The following TBC1D4 variants were observed in gnomAD, a reference collection of about 807,000 sequenced individuals.
TBC1D4 encodes the protein TBC1 domain family member 4.
TBC1D4 carries 121 observed loss-of-function variants against 142.5 expected under a neutral mutation model. The ratio of observed to expected loss-of-function variants is 0.85; its 90% CI spans 0.73 to 0.99. The LOEUF (loss-of-function observed/expected upper bound fraction) is 0.99. Ranked by LOEUF, TBC1D4 falls within the 50% of genes least tolerant of loss-of-function variation. The pLI, the probability that TBC1D4 is intolerant of heterozygous loss-of-function variation, is 0.00. For synonymous variants in TBC1D4, 630 were observed against 628.2 expected (o/e 1.00, Z -0.04); for missense variants, 1,475 against 1,606.6 (o/e 0.92, Z 1.40).
chr13:75,438,170 C>T (rs718147), intron 1 of TBC1D4, among the ~76,000 whole-genome samples: 88,782 of 152,120 alleles, frequency 0.58, 30,617 homozygotes, highest in Non-Finnish European at 0.73. Flanking sequence ...TCAAGCTTCC[C>T]TCTTGAAGCA....
At chr13:75,324,526 T>C in intron 10 of TBC1D4, 125 bp from the exon 11 acceptor site, 1 of 1,129,520 alleles carries the variant, frequency 8.9e-7, no homozygotes, top group Non-Finnish European at 1.3e-6. Flanking sequence ...GGCTCAGGGC[T>C]GGATCTTACA....
chr13:75,374,632 C>A (rs1465864429), intron 1 of TBC1D4, among the ~76,000 whole-genome samples: 1 of 152,064 alleles, frequency 6.6e-6, no homozygotes, highest in Non-Finnish European at 1.5e-5. Flanking sequence ...AACAGTTAGC[C>A]TGTATAATGT....
chr13:75,396,254 C>T (rs1884791315), intron 1 of TBC1D4, among the ~76,000 whole-genome samples: 2 of 152,164 alleles, frequency 1.3e-5, no homozygotes, highest in Admixed American at 6.5e-5. Context: ...ATTCCAGCCA[C>T]GAATGCTGTT....
chr13:75,376,534 T>C (rs929964883), intron 1 of TBC1D4, among the ~76,000 whole-genome samples: 1 of 152,112 alleles, frequency 6.6e-6, no homozygotes, highest in Non-Finnish European at 1.5e-5. Flanking sequence ...TGTGCCACCA[T>C]GTCTGGCTAA....
intron 1 of TBC1D4, among the ~76,000 whole-genome samples, chr13:75,368,676 G>A (rs1293601432): frequency 6.6e-6 from 1 of 152,170 alleles, no homozygotes; most frequent in Non-Finnish European, 1.5e-5. Flanking sequence ...TTACAAATGT[G>A]TAAAAGTGAT....
intron 13 of TBC1D4, 56 bp downstream of exon 13, chr13:75,312,682 A>G (rs1877894553): frequency 6.2e-7 from 1 of 1,607,650 alleles, no homozygotes; most frequent in African/African-American, 1.3e-5. Context: ...CGTGCATTCC[A>G]TTAGCTAATT....
At chr13:75,383,711 G>GA (rs5804809) in intron 1 of TBC1D4, among the ~76,000 whole-genome samples, 20,116 of 152,044 alleles carry the variant, frequency 0.13, 1,658 homozygotes, top group East Asian at 0.28. Context: ...ATATGTACAG[G>GA]AAAAAAACAG....
At chr13:75,410,377 A>G (rs1885587364) in intron 1 of TBC1D4, among the ~76,000 whole-genome samples, 1 of 152,090 alleles carries the variant, frequency 6.6e-6, no homozygotes, top group African/African-American at 2.4e-5. Flanking sequence ...TTCTTCTTCT[A>G]TCTCCTTCTC....
At chr13:75,295,230 A>G (rs574077278) in intron 17 of TBC1D4, among the ~76,000 whole-genome samples, 1 of 152,320 alleles carries the variant, frequency 6.6e-6, no homozygotes, top group South Asian at 2.1e-4. Context: ...AAGACTGAGC[A>G]AGTTTCTCTA....
At chr13:75,430,472 A>G (rs1566485116) in intron 1 of TBC1D4, among the ~76,000 whole-genome samples, 1 of 152,198 alleles carries the variant, frequency 6.6e-6, no homozygotes, top group Non-Finnish European at 1.5e-5. Flanking sequence ...GTTTCTTAAT[A>G]TCTGTATCTT....
chr13:75,306,288 A>T (rs1169992263), intron 15 of TBC1D4, 25 bp downstream of exon 15: 1 of 1,580,318 alleles, frequency 6.3e-7, no homozygotes, highest in Non-Finnish European at 8.6e-7. Context: ...TAAAAAACAA[A>T]AATTACTGAG....
At chr13:75,357,058 A>C (rs752586307) in intron 3 of TBC1D4, among the ~76,000 whole-genome samples, 5 of 152,212 alleles carry the variant, frequency 3.3e-5, no homozygotes, top group Admixed American at 6.5e-5. Context: ...TCTTCATTCA[A>C]CTAATTGTGA....
chr13:75,340,224 T>TACACA (rs1243601798), intron 7 of TBC1D4, among the ~76,000 whole-genome samples: 1 of 152,230 alleles, frequency 6.6e-6, no homozygotes, highest in African/African-American at 2.4e-5. Context: ...TGAAGGACTG[T>TACACA]GTACTAACAA....
intron 1 of TBC1D4, among the ~76,000 whole-genome samples, chr13:75,417,443 A>G (rs1885968682): frequency 6.6e-6 from 1 of 152,188 alleles, no homozygotes; most frequent in Admixed American, 6.5e-5. Flanking sequence ...ACTGGATTTC[A>G]TCTTATCACC....
chr13:75,356,723 G>T (rs1882080449), intron 3 of TBC1D4, among the ~76,000 whole-genome samples: 1 of 152,176 alleles, frequency 6.6e-6, no homozygotes, highest in Non-Finnish European at 1.5e-5. Context: ...TGGAATGTTT[G>T]TCTCTTTATA....
intron 1 of TBC1D4, among the ~76,000 whole-genome samples, chr13:75,446,530 T>C (rs1476896195): frequency 6.6e-6 from 1 of 152,238 alleles, no homozygotes; most frequent in Non-Finnish European, 1.5e-5. Context: ...GTAGTTTTTA[T>C]TCAACATTAG....
chr13:75,307,135 A>G (rs1241866272), intron 14 of TBC1D4, among the ~76,000 whole-genome samples: 1 of 151,886 alleles, frequency 6.6e-6, no homozygotes, highest in Non-Finnish European at 1.5e-5. Flanking sequence ...AATTTGACAA[A>G]CTTTTTTGTA....
chr13:75,346,088 G>A (rs1007153793), intron 5 of TBC1D4, among the ~76,000 whole-genome samples: 1 of 152,144 alleles, frequency 6.6e-6, no homozygotes, highest in Non-Finnish European at 1.5e-5. Context: ...TATAAACAAT[G>A]GGAAAAGACG....
Position 75,362,323 on chromosome 13 carries a change from C to A in TBC1D4, c.783G>T (p.Gly261=). The change falls in exon 2 of 21, where the codon GGG becomes GGT. Residue 261 remains glycine (G), a synonymous_variant. Coordinates refer to ENST00000377636, the MANE Select transcript of TBC1D4 (RefSeq NM_014832.5). This position sits in a 1 kb window ranked among gnomAD's most constrained non-coding sequence, Gnocchi z 4.2. The part of the protein sequence containing the change: ...DLADLEVVVP[G]SPGDCLPEEA... ...CCTCCGGCAGGCAGTCTCCGGGGGA[C>A]CCGGGCACCACCACCTCCAAGTCAG... 6.2e-7 allele frequency: 1 copy of A among 1,614,050 alleles called. No homozygotes were observed. Among genetic ancestry groups the A allele is most frequent in the Non-Finnish European group, 8.5e-7 (1 of 1,180,036 alleles).
Sources: allele counts gnomAD v4.1 joint callset (sites outside exome capture counted in the v4.1 genomes callset), GRCh38; gene constraint gnomAD v4.1.1; non-coding constraint Gnocchi (gnomAD v3.1); transcripts MANE v1.5; gene names NCBI Gene and HGNC (gene_info 2026-07-23, HGNC 2026-07-21).